C11orf65: variants seen among roughly 807,000 people sequenced by gnomAD.
C11orf65 encodes chromosome 11 open reading frame 65, also known as protein MFI.
Under a neutral mutation model 35.3 loss-of-function variants are expected in C11orf65, and 38 were observed. That is an observed-to-expected ratio of 1.08 (90% CI 0.83 to 1.41). The LOEUF is 1.41. Among genes scored for constraint, C11orf65 ranks in the 40% most tolerant of loss-of-function variants. The probability of loss-of-function intolerance (pLI) is 0.00; values close to 1 mark genes in which losing one functional copy is unlikely to be tolerated. For missense variants in C11orf65, 370 were observed against 367.1 expected (o/e 1.01, Z -0.06); for synonymous variants, 105 against 114.4 (o/e 0.92, Z 0.53).
intron 1 of C11orf65, among the ~76,000 whole-genome samples, chr11:108,463,284 C>T (rs555867922): frequency 7.2e-5 from 11 of 152,194 alleles, no homozygotes; most frequent in South Asian, 2.1e-4. Context: ...AAAAAGGATA[C>T]GCCATTCATA....
At chr11:108,318,030 G>C (rs185605042) in intron 6 of C11orf65, among the ~76,000 whole-genome samples, 2 of 152,080 alleles carry the variant, frequency 1.3e-5, no homozygotes, top group South Asian at 4.2e-4. Flanking sequence ...ATCCACAAAG[G>C]ACTGCTTATC....
intron 2 of C11orf65, among the ~76,000 whole-genome samples, chr11:108,346,886 G>T (rs545273931): frequency 6.6e-6 from 1 of 152,226 alleles, no homozygotes; most frequent in African/African-American, 2.4e-5. Context: ...ACTGAAGAGT[G>T]AAGAGTTTAT....
rs371021126 is a variant in C11orf65, at chr11:108,335,847, C to T, written c.227-555G>A. On this transcript the variant is annotated intron_variant, in intron 2 of 3. Transcript: ENST00000524755. ...ATTCATGCTTAATTATTCTGAAGGG[C>T]CGTGATGACCTGAGACAAGATGCTG... The T allele has an allele frequency of 1.3e-5, 21 of 1,611,454 alleles. No homozygotes were observed. The African/African-American group carries it at 2.8e-4, about 22-fold the overall frequency.
rs139490310 is a variant in C11orf65 at position 108,354,746 on chromosome 11, G to A, written c.227-19454C>T. On this transcript the variant is annotated intron_variant, in intron 2 of 3. Coordinates refer to the C11orf65 transcript ENST00000524755. Reference sequence around the variant, plus strand: ...AGCATACTACACATGAGAGTATACAGATAAAGATACGTTGACAACATTGGT... The same window carrying A: ...AGCATACTACACATGAGAGTATACAAATAAAGATACGTTGACAACATTGGT... 10,246 of 1,353,726 alleles carry A rather than the reference G, an allele frequency of 7.6e-3. 56 individuals carry two copies. Among genetic ancestry groups the A allele is most frequent in the Non-Finnish European group, 9.5e-3 (8,995 of 942,998 alleles). The allele number at this position is 1,353,726 out of a possible 1,614,324, so 83.9% of individuals were successfully genotyped here. A position where few individuals can be genotyped will look rare whatever the true frequency, so the allele number is the denominator to read the frequency against.
At chr11:108,420,911 G>A (rs1022565056) in intron 3 of C11orf65, among the ~76,000 whole-genome samples, 8 of 151,944 alleles carry the variant, frequency 5.3e-5, no homozygotes, top group East Asian at 1.9e-4. Flanking sequence ...TACCGCACCC[G>A]GCCAAAATTC....
chr11:108,353,638 T>C (rs912761184), intron 2 of C11orf65: 2 of 751,550 alleles, frequency 2.7e-6, no homozygotes, highest in African/African-American at 1.7e-5. Flanking sequence ...AGTAAACTAC[T>C]GTACATACTA....
At chr11:108,436,109 AG>A (rs1478841338) in intron 2 of C11orf65, among the ~76,000 whole-genome samples, 2 of 150,248 alleles carry the variant, frequency 1.3e-5, no homozygotes, top group Non-Finnish European at 3.0e-5. Flanking sequence ...GGATTTTAGG[AG>A]GAAAAAAAAA....
At chr11:108,327,800 G>A (rs2085835110), downstream of C11orf65, 1 of 1,355,666 alleles carries the variant, frequency 7.4e-7, no homozygotes. Context: ...TACTTAGCAT[G>A]AATATGCTTC....
chr11:108,405,172 A>G (rs1412229542), intron 6 of C11orf65, among the ~76,000 whole-genome samples: 1 of 152,124 alleles, frequency 6.6e-6, no homozygotes, highest in Non-Finnish European at 1.5e-5. Context: ...ATGAATAAAT[A>G]TGAGTCTCCC....
chr11:108,320,870 C>T (rs907505402), intron 6 of C11orf65, among the ~76,000 whole-genome samples: 1 of 152,010 alleles, frequency 6.6e-6, no homozygotes, highest in African/African-American at 2.4e-5. Context: ...AGTAGATTAA[C>T]ACATATTTTG....
chr11:108,334,646 T>C (rs773907738), intron 3 of C11orf65, among the ~76,000 whole-genome samples: 6 of 152,180 alleles, frequency 3.9e-5, no homozygotes, highest in Admixed American at 1.3e-4. Context: ...GCTAGGTGAT[T>C]TCGCTGAATG....
intron 6 of C11orf65, among the ~76,000 whole-genome samples, chr11:108,317,720 A>G (rs1036143041): frequency 6.7e-6 from 1 of 148,212 alleles, no homozygotes; most frequent in African/African-American, 2.5e-5. Context: ...GTGTGTATAT[A>G]TATATAAAAA....
At chr11:108,331,053 T>C (rs1229386427), downstream of C11orf65, 3 of 504,032 alleles carry the variant, frequency 6.0e-6, no homozygotes, top group Non-Finnish European at 8.0e-6. Context: ...TCTGCTGTAG[T>C]ATACACTAAA....
At chr11:108,444,523 A>T (rs1591572865) in intron 2 of C11orf65, among the ~76,000 whole-genome samples, 1 of 152,242 alleles carries the variant, frequency 6.6e-6, no homozygotes, top group East Asian at 1.9e-4. Context: ...AAAAAAAGAG[A>T]ATTTTAGACC....
In C11orf65 at chr11:108,386,288, T is replaced by C. The variant is rs7949145; in HGVS notation, c.732-313A>G. On this transcript the variant is annotated intron_variant, in intron 7 of 8. Transcript: ENST00000393084. The stretch of plus-strand genomic sequence containing the variant: ...AAAGATCATGTCCTCAGCTGAGTGT[T>C]TACTAAGAAGTTAGTTAATAACATC... 9.1e-3 allele frequency among the ~76,000 whole-genome samples: 1,380 copies of C among 152,318 alleles called. 20 individuals are homozygous for C. The highest frequency in any genetic ancestry group is 0.031 in the African/African-American group (1,292 of 41,560).
intron 2 of C11orf65, among the ~76,000 whole-genome samples, chr11:108,373,518 G>C (rs191522850): frequency 1.3e-5 from 2 of 152,186 alleles, no homozygotes; most frequent in South Asian, 4.1e-4. Flanking sequence ...AAGACATACC[G>C]TTTTAAAAAG....
rs2086285148 is a variant in C11orf65 at position 108,331,878 on chromosome 11, G to A, written c.300-311C>T. The A allele has an allele frequency of 6.2e-7, 1 of 1,613,100 alleles. No individual in the cohort carries two copies. Among genetic ancestry groups the A allele is most frequent in the Non-Finnish European group, 8.5e-7 (1 of 1,179,368 alleles). ...TAAATCTAATAGTTCTTTTCTTACA[G>A]CTAATCTCTAGAATTTCAATGGATC... On this transcript the variant is annotated intron_variant, in intron 3 of 3. Coordinates refer to the C11orf65 transcript ENST00000524755.
intron 3 of C11orf65, among the ~76,000 whole-genome samples, chr11:108,408,779 A>G (rs1231559808): frequency 6.6e-6 from 1 of 151,392 alleles, no homozygotes; most frequent in Non-Finnish European, 1.5e-5. Flanking sequence ...TTAGTTTGGT[A>G]TGCAGCACCA....
intron 2 of C11orf65, chr11:108,355,269 C>A: frequency 2.2e-5 from 5 of 232,162 alleles, no homozygotes; most frequent in Non-Finnish European, 4.3e-5. Context: ...AAATGGAGAT[C>A]AAATTGTCAG....
Sources: allele counts gnomAD v4.1 joint callset (sites outside exome capture counted in the v4.1 genomes callset), GRCh38; gene constraint gnomAD v4.1.1; transcripts MANE v1.5; gene names NCBI Gene and HGNC (gene_info 2026-07-23, HGNC 2026-07-21).